Variants in SLC1A2 observed in about 807,000 individuals in gnomAD.
The protein encoded by SLC1A2 is solute carrier family 1 member 2, also known as excitatory amino acid transporter 2.
A neutral mutation model predicts 48.8 loss-of-function variants in SLC1A2; 15 were observed. That is an observed-to-expected ratio of 0.31 (90% CI 0.21 to 0.47). The LOEUF (loss-of-function observed/expected upper bound fraction) is 0.47, where lower values mean the gene tolerates loss of function less well. Ranked by LOEUF, SLC1A2 falls within the 20% of genes least tolerant of loss-of-function variation. The pLI, the probability that SLC1A2 is intolerant of heterozygous loss-of-function variation, is 0.99. For missense variants in SLC1A2, 502 were observed against 730.5 expected (o/e 0.69, Z 3.61); for synonymous variants, 279 against 272.6 (o/e 1.02, Z -0.23).
upstream of SLC1A2, chr11:35,419,955 G>T (rs1855736447): frequency 2.1e-6 from 1 of 469,804 alleles, no homozygotes. The surrounding 1 kb of genome is among the most constrained non-coding windows in gnomAD (Gnocchi z 5.4). Context: ...CCACGTCTGG[G>T]GGTCCCAGGT....
At chr11:35,396,919 C>A (rs1854982208) in intron 1 of SLC1A2, among the ~76,000 whole-genome samples, 1 of 151,092 alleles carries the variant, frequency 6.6e-6, no homozygotes, top group South Asian at 2.1e-4. Context: ...GAGTGAACTC[C>A]CATTCACAAT....
chr11:35,406,534 G>C (rs1391514694), intron 1 of SLC1A2, among the ~76,000 whole-genome samples: 1 of 152,050 alleles, frequency 6.6e-6, no homozygotes, highest in Non-Finnish European at 1.5e-5. Flanking sequence ...TGGTGGTAGG[G>C]TAGAAAGTGG....
intron 6 of SLC1A2, chr11:35,298,301 A>G (rs1414407563): frequency 6.6e-6 from 1 of 152,230 alleles, no homozygotes; most frequent in Non-Finnish European, 1.5e-5. Flanking sequence ...TACTGAGCAT[A>G]CAGCAAGAAG....
rs1950277933 is a variant in SLC1A2, at chr11:35,253,984, A to T, written c.*6910T>A. 6.6e-6 allele frequency: 1 copy of T among 152,406 alleles called. No individual in the cohort carries two copies. Among genetic ancestry groups the T allele is most frequent in the South Asian group, 2.1e-4 (1 of 4,834 alleles). 9.4% of individuals were successfully genotyped at this position (152,406 alleles called of 1,614,324 possible). A position where few individuals can be genotyped will look rare whatever the true frequency, so the allele number is the denominator to read the frequency against. On this transcript the variant is annotated 3_prime_UTR_variant, in exon 11 of 11. Coordinates refer to ENST00000278379, the MANE Select transcript of SLC1A2 (RefSeq NM_004171.4). ...CATTTTCTAATGCTCTTTATAAATA[A>T]TAGCAAACAAGCTAGGGGATTTGTT...
At chr11:35,395,861 A>G (rs1357622130) in intron 1 of SLC1A2, among the ~76,000 whole-genome samples, 3 of 118,416 alleles carry the variant, frequency 2.5e-5, no homozygotes, top group South Asian at 3.1e-4. Context: ...AGAGTGTGAT[A>G]TTCCCCTTCC....
intron 1 of SLC1A2, among the ~76,000 whole-genome samples, chr11:35,326,595 T>G (rs942659850): frequency 3.9e-5 from 6 of 152,360 alleles, no homozygotes; most frequent in Admixed American, 3.9e-4. Flanking sequence ...TGTCTCTTTT[T>G]TCTTCCTTCT....
At chr11:35,281,957 A>G (rs1251117273) in intron 8 of SLC1A2, 4 of 152,146 alleles carry the variant, frequency 2.6e-5, no homozygotes, top group Non-Finnish European at 5.9e-5. Flanking sequence ...AATACTAGAA[A>G]TTTTATGAGC....
chr11:35,335,193 G>A (rs6484783), intron 1 of SLC1A2, among the ~76,000 whole-genome samples: 3,883 of 152,216 alleles, frequency 0.026, 150 homozygotes, highest in African/African-American at 0.088. Context: ...GTATTGTTGT[G>A]TATTGTTGTA....
chr11:35,412,152 A>G (rs553242314), intron 1 of SLC1A2, among the ~76,000 whole-genome samples: 1 of 149,566 alleles, frequency 6.7e-6, no homozygotes, highest in Non-Finnish European at 1.5e-5. Flanking sequence ...GTACAATTAG[A>G]TGACAAAAAA....
intron 6 of SLC1A2, among the ~76,000 whole-genome samples, chr11:35,301,250 C>T (rs1429775347): frequency 6.6e-6 from 1 of 152,090 alleles, no homozygotes; most frequent in Non-Finnish European, 1.5e-5. Context: ...CCAACTAAGA[C>T]AGTTACATAA....
intron 9 of SLC1A2, 96 bp downstream of exon 9, chr11:35,280,771 G>A: frequency 1.4e-6 from 1 of 726,172 alleles, no homozygotes; most frequent in Non-Finnish European, 2.2e-6. Flanking sequence ...AGTTGCCATG[G>A]GGATTAGCTA....
At chr11:35,300,872 A>T (rs925580780) in intron 6 of SLC1A2, among the ~76,000 whole-genome samples, 4 of 152,062 alleles carry the variant, frequency 2.6e-5, no homozygotes, top group African/African-American at 7.2e-5. Context: ...TTCAAAAATT[A>T]GCTGGGCATG....
chr11:35,329,179 A>G (rs955633611), intron 1 of SLC1A2, among the ~76,000 whole-genome samples: 2 of 152,256 alleles, frequency 1.3e-5, no homozygotes, highest in African/African-American at 2.4e-5. Flanking sequence ...TTCCAACTAT[A>G]TGACATTCTG....
chr11:35,296,916 T>G (rs1173229745), intron 6 of SLC1A2, among the ~76,000 whole-genome samples: 1 of 152,146 alleles, frequency 6.6e-6, no homozygotes, highest in African/African-American at 2.4e-5. Context: ...TGGCTTTCCC[T>G]CTCTCCCTTT....
chr11:35,413,045 C>T (rs988107956), intron 1 of SLC1A2, among the ~76,000 whole-genome samples: 5 of 152,134 alleles, frequency 3.3e-5, no homozygotes, highest in African/African-American at 1.2e-4. Flanking sequence ...TTGAATAATT[C>T]TTCAAATCCA....
rs559251600 is a variant in SLC1A2, at chr11:35,371,748, G to A, written c.17+47202C>T. 3.4e-3 allele frequency among the ~76,000 whole-genome samples: 521 copies of A among 152,236 alleles called. 2 individuals carry two copies. The highest frequency in any genetic ancestry group is 4.2e-3 in the Non-Finnish European group (289 of 68,016). The stretch of plus-strand genomic sequence containing the variant: ...CCAAGCAACCATCCACTTCACCTAG[G>A]AGCCCCATACAAATGCAGAACCCCA... On this transcript the variant is annotated intron_variant, in intron 1 of 10. Coordinates refer to ENST00000278379, the MANE Select transcript of SLC1A2 (RefSeq NM_004171.4).
At chr11:35,384,541 C>A (rs1201375272) in intron 1 of SLC1A2, among the ~76,000 whole-genome samples, 2 of 152,166 alleles carry the variant, frequency 1.3e-5, no homozygotes, top group East Asian at 1.9e-4. Flanking sequence ...ATTTAAGAAT[C>A]CTTAATGAAT....
chr11:35,310,610 T>C (rs1365859861), intron 4 of SLC1A2, among the ~76,000 whole-genome samples: 2 of 152,262 alleles, frequency 1.3e-5, no homozygotes, highest in Non-Finnish European at 1.5e-5. Context: ...CATACTTTTC[T>C]TCTAAGCAAA....
At chr11:35,263,908 A>G (rs1197197826) in intron 10 of SLC1A2, 2 of 152,238 alleles carry the variant, frequency 1.3e-5, no homozygotes, top group African/African-American at 2.4e-5. Flanking sequence ...AAGGCACACA[A>G]TAAGTACTTA....
Sources: allele counts gnomAD v4.1 joint callset (sites outside exome capture counted in the v4.1 genomes callset), GRCh38; gene constraint gnomAD v4.1.1; non-coding constraint Gnocchi (gnomAD v3.1); transcripts MANE v1.5; gene names NCBI Gene and HGNC (gene_info 2026-07-23, HGNC 2026-07-21).